MTA3: variants seen among roughly 807,000 people sequenced by gnomAD.
The protein encoded by MTA3 is metastasis associated 1 family member 3, also known as metastasis-associated protein MTA3.
MTA3 carries 34 observed loss-of-function variants against 83.5 expected under a neutral mutation model. That is an observed-to-expected ratio of 0.41 (90% CI 0.31 to 0.54). The LOEUF is 0.54. Ranked by LOEUF, MTA3 falls within the 20% of genes least tolerant of loss-of-function variation. The pLI is 0.33. For synonymous variants in MTA3, 303 were observed against 252.7 expected (o/e 1.20, Z -1.89); for missense variants, 761 against 726.4 (o/e 1.05, Z -0.55).
chr2:42,744,054 T>C (rs1423211606), intron 16 of MTA3, among the ~76,000 whole-genome samples: 2 of 152,208 alleles, frequency 1.3e-5, no homozygotes, highest in Non-Finnish European at 2.9e-5. Context: ...AATATATTTT[T>C]AAAACCTTTG....
intron 16 of MTA3, among the ~76,000 whole-genome samples, chr2:42,750,593 A>G (rs10205149): frequency 0.38 from 57,998 of 151,962 alleles, 11,740 homozygotes; most frequent in African/African-American, 0.51. Flanking sequence ...TGGGCTTGTC[A>G]GATTCCCCAG....
At chr2:42,689,271 A>AT (rs1692666561) in intron 9 of MTA3, among the ~76,000 whole-genome samples, 3 of 152,252 alleles carry the variant, frequency 2.0e-5, no homozygotes. Flanking sequence ...TGTTTTTGAA[A>AT]TTTATCTTTT....
At chr2:42,652,984 CT>C (rs1423899412) in intron 6 of MTA3, among the ~76,000 whole-genome samples, 1 of 152,100 alleles carries the variant, frequency 6.6e-6, no homozygotes, top group African/African-American at 2.4e-5. Context: ...AGGAAAGGGC[CT>C]TTAGGAATCC....
intron 8 of MTA3, among the ~76,000 whole-genome samples, chr2:42,666,916 T>A (rs758852970): frequency 1.4e-4 from 21 of 152,236 alleles, no homozygotes; most frequent in Admixed American, 3.3e-4. Flanking sequence ...TTCCTTTGTT[T>A]AAGCATTTTA....
chr2:42,535,841 G>A (rs1157095713), intron 2 of MTA3, among the ~76,000 whole-genome samples: 1 of 147,040 alleles, frequency 6.8e-6, no homozygotes, highest in Non-Finnish European at 1.5e-5. Context: ...GCCACTGGCT[G>A]GGCACAGTGG....
In MTA3 at chr2:42,756,473, G is replaced by T; in HGVS notation, c.*3074G>T. On this transcript the variant is annotated 3_prime_UTR_variant, in exon 17 of 17. Coordinates refer to ENST00000405094, the MANE Select transcript of MTA3 (RefSeq NM_001330442.2). ...AGGGGGCTGAGGGCAAGCAGGTGGG[G>T]CTGTGCGTGGCCTCAGTGCACTCGG... The T allele has an allele frequency of 1.0e-6, 1 of 985,558 alleles. No individual in the cohort carries two copies. Among genetic ancestry groups the T allele is most frequent in the South Asian group, 4.7e-5 (1 of 21,290 alleles). The allele number at this position is 985,558 out of a possible 1,614,324, so 61.1% of individuals were successfully genotyped here. A position where few individuals can be genotyped will look rare whatever the true frequency, so the allele number is the denominator to read the frequency against.
chr2:42,553,245 G>A (rs1466150470), intron 2 of MTA3, among the ~76,000 whole-genome samples: 1 of 151,868 alleles, frequency 6.6e-6, no homozygotes, highest in Non-Finnish European at 1.5e-5. Flanking sequence ...CTAACGCGGT[G>A]AAACCCGTCT....
intron 16 of MTA3, among the ~76,000 whole-genome samples, chr2:42,728,691 C>T (rs1354989170): frequency 1.3e-5 from 2 of 152,172 alleles, no homozygotes; most frequent in Admixed American, 6.5e-5. Flanking sequence ...TTTTGATTTG[C>T]ATTTCTCTGA....
Position 42,594,329 on chromosome 2 carries a change from C to T in MTA3, c.190+15129C>T, listed in dbSNP as rs1056785167. Among the ~76,000 whole-genome samples, 3 of 148,108 alleles carry T rather than the reference C, an allele frequency of 2.0e-5. No individual in the cohort carries two copies. The East Asian group carries it at 6.0e-4, about 30-fold the overall frequency. On this transcript the variant is annotated intron_variant, in intron 3 of 16. Coordinates refer to ENST00000405094, the MANE Select transcript of MTA3 (RefSeq NM_001330442.2). ...TGAGCTCATAGCAACCTCTGCCTCC[C>T]GGGCTCAAGCAATTCTTATGCCTCA...
chr2:42,745,624 C>T (rs1042904527), intron 16 of MTA3, among the ~76,000 whole-genome samples: 1 of 152,062 alleles, frequency 6.6e-6, no homozygotes, highest in African/African-American at 2.4e-5. Context: ...AGCCTTAAGC[C>T]ATTCTCCTGC....
intron 6 of MTA3, among the ~76,000 whole-genome samples, chr2:42,653,737 G>C (rs1688920991): frequency 6.6e-6 from 1 of 152,154 alleles, no homozygotes; most frequent in Admixed American, 6.5e-5. Flanking sequence ...GCTGCAGACT[G>C]TATGGGTGGA....
intron 2 of MTA3, among the ~76,000 whole-genome samples, chr2:42,577,773 C>T (rs1679218476): frequency 6.6e-6 from 1 of 152,092 alleles, no homozygotes; most frequent in Admixed American, 6.6e-5. Context: ...GCCACCGCAC[C>T]CGGCCTGGAT....
chr2:42,571,947 C>CAAA (rs1260024595), intron 2 of MTA3, among the ~76,000 whole-genome samples: 1 of 99,056 alleles, frequency 1.0e-5, no homozygotes, highest in Non-Finnish European at 2.1e-5. Context: ...AACTCCGTCT[C>CAAA]AAAAAAAAAA....
At chr2:42,717,127 G>GTTTTTTT (rs66521425) in intron 14 of MTA3, among the ~76,000 whole-genome samples, 1 of 64,928 alleles carries the variant, frequency 1.5e-5, no homozygotes, top group Non-Finnish European at 2.9e-5. Flanking sequence ...TCAGAAAAGA[G>GTTTTTTT]TTTTTTTTTT....
chr2:42,567,762 C>T (rs1286582978), upstream of MTA3, among the ~76,000 whole-genome samples: 2 of 151,894 alleles, frequency 1.3e-5, no homozygotes, highest in Non-Finnish European at 2.9e-5. Flanking sequence ...AGTTAAGTGT[C>T]CATCGACATG....
intron 3 of MTA3, among the ~76,000 whole-genome samples, chr2:42,581,117 A>G (rs753921834): frequency 6.6e-6 from 1 of 152,190 alleles, no homozygotes; most frequent in African/African-American, 2.4e-5. Context: ...GTTTCTGTAT[A>G]GAAAGTGTTC....
chr2:42,674,788 G>A (rs1033317037), intron 8 of MTA3, among the ~76,000 whole-genome samples: 13 of 151,512 alleles, frequency 8.6e-5, no homozygotes, highest in Non-Finnish European at 1.5e-4. Flanking sequence ...TAGTAGAGGC[G>A]AGGTTTCACC....
At chr2:42,551,653 C>T (rs1558430678) in intron 2 of MTA3, among the ~76,000 whole-genome samples, 3 of 151,798 alleles carry the variant, frequency 2.0e-5, no homozygotes, top group African/African-American at 4.8e-5. Context: ...AGGAATAAAG[C>T]GGGAGAGAGT....
chr2:42,735,323 C>T (rs1396699036), intron 16 of MTA3, among the ~76,000 whole-genome samples: 1 of 152,136 alleles, frequency 6.6e-6, no homozygotes, highest in Non-Finnish European at 1.5e-5. Flanking sequence ...ACTAAGAAGT[C>T]TGCTGCCAGA....
Sources: allele counts gnomAD v4.1 joint callset (sites outside exome capture counted in the v4.1 genomes callset), GRCh38; gene constraint gnomAD v4.1.1; transcripts MANE v1.5; gene names NCBI Gene and HGNC (gene_info 2026-07-23, HGNC 2026-07-21).